VGLL4: variants seen among roughly 807,000 people sequenced by gnomAD.
The protein encoded by VGLL4 is transcription cofactor vestigial-like protein 4.
VGLL4 carries 7 observed loss-of-function variants against 21.0 expected under a neutral mutation model. The observed-to-expected ratio is 0.33, with a 90% CI of 0.19 to 0.63. The LOEUF is 0.63. Among genes scored for constraint, VGLL4 ranks in the 20% least tolerant of loss-of-function variants. VGLL4 has a pLI of 0.78. For missense variants in VGLL4, 394 were observed against 425.7 expected (o/e 0.93, Z 0.66); for synonymous variants, 222 against 173.2 (o/e 1.28, Z -2.21).
chr3:11,690,487 T>C (rs1166828858), intron 2 of VGLL4, among the ~76,000 whole-genome samples: 3 of 152,298 alleles, frequency 2.0e-5, no homozygotes, highest in Non-Finnish European at 4.4e-5. Context: ...CCTAAACTAG[T>C]ACTTCGCTAG....
chr3:11,677,113 C>A (rs769857836), intron 2 of VGLL4, among the ~76,000 whole-genome samples: 12 of 152,142 alleles, frequency 7.9e-5, no homozygotes, highest in Non-Finnish European at 1.5e-4. Flanking sequence ...TATTTTACAA[C>A]ACTACAATAA....
At chr3:11,645,328 C>T (rs993527708), upstream of VGLL4, among the ~76,000 whole-genome samples, 4 of 151,676 alleles carry the variant, frequency 2.6e-5, no homozygotes, top group East Asian at 1.9e-4. Flanking sequence ...CGGTGGCTCA[C>T]GCCTGTAATC....
At chr3:11,614,968 T>G (rs1378899555) in intron 1 of VGLL4, among the ~76,000 whole-genome samples, 1 of 152,232 alleles carries the variant, frequency 6.6e-6, no homozygotes, top group Non-Finnish European at 1.5e-5. Flanking sequence ...TCTCTTTACC[T>G]TGATTCACCT....
rs2072622065 is a variant in VGLL4, at chr3:11,558,281, A to G, written c.*275T>C. 1 of 539,316 alleles carries G rather than the reference A, an allele frequency of 1.9e-6. No individual in the cohort carries two copies. The highest frequency in any genetic ancestry group is 3.2e-6 in the Non-Finnish European group (1 of 310,146). 33.4% of individuals were successfully genotyped at this position (539,316 alleles called of 1,614,324 possible). A position where few individuals can be genotyped will look rare whatever the true frequency, so the allele number is the denominator to read the frequency against. On this transcript the variant is annotated 3_prime_UTR_variant, in exon 5 of 5. Coordinates refer to ENST00000430365, the MANE Select transcript of VGLL4 (RefSeq NM_001128219.3). ...CCCGTCGGGGCAGCAGACCTGCATC[A>G]GAGGTTTCTTTGGTAACTGAGGCAG...
chr3:11,637,636 C>G (rs1004939810), intron 1 of VGLL4, among the ~76,000 whole-genome samples: 1 of 152,146 alleles, frequency 6.6e-6, no homozygotes, highest in African/African-American at 2.4e-5. Flanking sequence ...TTAAAACAAT[C>G]AACAGAATTA....
At chr3:11,691,653 G>A (rs2076528628) in intron 2 of VGLL4, among the ~76,000 whole-genome samples, 1 of 152,118 alleles carries the variant, frequency 6.6e-6, no homozygotes, top group African/African-American at 2.4e-5. Flanking sequence ...GTCTTACAGT[G>A]GCTGCTACCT....
chr3:11,607,925 C>A (rs549021919), intron 1 of VGLL4, among the ~76,000 whole-genome samples: 1 of 152,138 alleles, frequency 6.6e-6, no homozygotes, highest in Non-Finnish European at 1.5e-5. Context: ...ATCAGTGTGT[C>A]GAGTGCCTGT....
intron 1 of VGLL4, among the ~76,000 whole-genome samples, chr3:11,636,148 T>C (rs2075582357): frequency 6.6e-6 from 1 of 152,252 alleles, no homozygotes; most frequent in Non-Finnish European, 1.5e-5. Context: ...GCATTTATTT[T>C]CTAAGGGGAA....
intron 2 of VGLL4, among the ~76,000 whole-genome samples, chr3:11,668,635 A>G (rs576639258): frequency 2.6e-5 from 4 of 152,336 alleles, no homozygotes; most frequent in African/African-American, 4.8e-5. Context: ...GCCACAGTAT[A>G]AAGTCCAAGC....
intron 1 of VGLL4, among the ~76,000 whole-genome samples, chr3:11,718,230 G>A (rs1384719711): frequency 1.3e-5 from 2 of 152,168 alleles, no homozygotes; most frequent in South Asian, 2.1e-4. Context: ...TTTCCACCGT[G>A]GGGGAGATGA....
intron 2 of VGLL4, among the ~76,000 whole-genome samples, chr3:11,661,744 T>G (rs999160194): frequency 6.6e-6 from 1 of 152,138 alleles, no homozygotes; most frequent in Non-Finnish European, 1.5e-5. Flanking sequence ...AGTGCTGAGA[T>G]TACAGGTGTG....
rs1361941981 is a variant in VGLL4, at chr3:11,643,815, A to G, written c.-297T>C. 2 of 1,093,194 alleles carry G rather than the reference A, an allele frequency of 1.8e-6. No individual in the cohort carries two copies. The highest frequency in any genetic ancestry group is 2.2e-6 in the Non-Finnish European group (2 of 898,956). The allele number at this position is 1,093,194 out of a possible 1,614,324, so 67.7% of individuals were successfully genotyped here. The stretch of plus-strand genomic sequence containing the variant: ...TTACAAGTCCTTCCTGGAAATGGAA[A>G]AGAGTGAAAAAGAGAAACGCGCAGC... On this transcript the variant is annotated 5_prime_UTR_variant, in exon 1 of 5. Transcript: ENST00000430365.
chr3:11,574,165 CT>C (rs1327837260), intron 2 of VGLL4, among the ~76,000 whole-genome samples: 2 of 152,182 alleles, frequency 1.3e-5, no homozygotes, highest in African/African-American at 2.4e-5. Context: ...ATCTGTGGCC[CT>C]GTGTTATGGC....
chr3:11,679,706 T>C (rs755544917), intron 2 of VGLL4, among the ~76,000 whole-genome samples: 3 of 152,050 alleles, frequency 2.0e-5, no homozygotes, highest in Non-Finnish European at 2.9e-5. Context: ...AACATGTTTA[T>C]AGAATGAGAA....
chr3:11,715,741 G>A (rs1030647861), intron 1 of VGLL4, among the ~76,000 whole-genome samples: 2 of 152,114 alleles, frequency 1.3e-5, no homozygotes, highest in Admixed American at 6.6e-5. Context: ...GATTCCTTCC[G>A]GCTTCTGGTC....
exon 1 of VGLL4, chr3:11,720,686 A>G (rs549670409): frequency 3.3e-5 from 5 of 152,138 alleles, no homozygotes; most frequent in Non-Finnish European, 5.9e-5. Flanking sequence ...CCGCTCACAC[A>G]CCAGTGTTTG....
intron 2 of VGLL4, among the ~76,000 whole-genome samples, chr3:11,695,189 A>G (rs189474046): frequency 5.1e-4 from 78 of 151,772 alleles, no homozygotes; most frequent in Non-Finnish European, 9.6e-4. Context: ...AGCTGGGATT[A>G]CAGGCGCCTG....
chr3:11,668,970 C>T (rs1429292326), intron 2 of VGLL4, among the ~76,000 whole-genome samples: 1 of 152,212 alleles, frequency 6.6e-6, no homozygotes, highest in Admixed American at 6.5e-5. Context: ...AGGCTGAAAT[C>T]ATCCTCCTTA....
chr3:11,577,139 G>A (rs1559873941), intron 2 of VGLL4, among the ~76,000 whole-genome samples: 1 of 152,138 alleles, frequency 6.6e-6, no homozygotes, highest in African/African-American at 2.4e-5. Flanking sequence ...GAACAGCCCT[G>A]GCCAGCGCCA....
Sources: gnomAD v4.1 joint callset for allele counts (sites outside exome capture counted in the v4.1 genomes callset) on GRCh38, gnomAD v4.1.1 for gene constraint, MANE v1.5 for transcripts, NCBI Gene and HGNC (gene_info 2026-07-23, HGNC 2026-07-21) for gene names.